SDHC: variants seen among roughly 807,000 people sequenced by gnomAD.
The protein encoded by SDHC is succinate dehydrogenase cytochrome b560 subunit, mitochondrial.
A neutral mutation model predicts 22.6 loss-of-function variants in SDHC; 11 were observed. That is an observed-to-expected ratio of 0.49 (90% CI 0.31 to 0.81). The LOEUF (loss-of-function observed/expected upper bound fraction) is 0.81. Ranked by LOEUF, SDHC falls within the 30% of genes least tolerant of loss-of-function variation. SDHC has a pLI of 0.05. For synonymous variants in SDHC, 80 were observed against 77.8 expected (o/e 1.03, Z -0.15); for missense variants, 160 against 212.0 (o/e 0.75, Z 1.52).
At chr1:161,334,680 C>A (rs1671404790) in intron 3 of SDHC, among the ~76,000 whole-genome samples, 1 of 152,146 alleles carries the variant, frequency 6.6e-6, no homozygotes, top group Admixed American at 6.6e-5. Flanking sequence ...CTCAAGCTGT[C>A]CTCCCACTTC....
intron 4 of SDHC, among the ~76,000 whole-genome samples, chr1:161,354,801 C>T (rs908617817): frequency 6.6e-6 from 1 of 151,584 alleles, no homozygotes; most frequent in Non-Finnish European, 1.5e-5. Flanking sequence ...CCTCCACCTC[C>T]CAGGTTCAAG....
chr1:161,337,794 A>G (rs1671552224), intron 3 of SDHC, among the ~76,000 whole-genome samples: 2 of 152,266 alleles, frequency 1.3e-5, no homozygotes, highest in Admixed American at 6.5e-5. Flanking sequence ...TCTTTCAGTC[A>G]TGGGATTTGA....
At chr1:161,325,773 A>G (rs539227862) in intron 2 of SDHC, among the ~76,000 whole-genome samples, 1 of 152,224 alleles carries the variant, frequency 6.6e-6, no homozygotes, top group Non-Finnish European at 1.5e-5. Context: ...AGCAGATGGT[A>G]ATGTATGAGA....
At chr1:161,318,799 C>A (rs1043192963) in intron 1 of SDHC, among the ~76,000 whole-genome samples, 1 of 150,344 alleles carries the variant, frequency 6.7e-6, no homozygotes, top group East Asian at 1.9e-4. Context: ...TTTGGGAGGC[C>A]GAGGCGGGAG....
Position 161,321,222 on chromosome 1 carries a change from T to G in SDHC, c.21-2392T>G, listed in dbSNP as rs556805241. ...AAAATGATTTCAGCAATGATTACAT[T>G]TTGGGGAGACATGTTAATGCATTTA... is the stretch of plus-strand genomic sequence containing the variant. On this transcript the variant is annotated intron_variant, in intron 1 of 5. Transcript: ENST00000367975. 2.3e-4 allele frequency among the ~76,000 whole-genome samples: 35 copies of G among 152,278 alleles called. 1 individual carries two copies. The South Asian group carries it at 6.4e-3, about 28-fold the overall frequency.
At chr1:161,332,489 A>G (rs994699650) in intron 3 of SDHC, among the ~76,000 whole-genome samples, 2 of 152,200 alleles carry the variant, frequency 1.3e-5, no homozygotes, top group African/African-American at 2.4e-5. Flanking sequence ...AGCCTTTACT[A>G]GCTGAATTAA....
intron 3 of SDHC, among the ~76,000 whole-genome samples, chr1:161,334,345 CTCT>C (rs1339797519): frequency 1.3e-5 from 2 of 152,086 alleles, no homozygotes; most frequent in East Asian, 3.8e-4. Flanking sequence ...TCTCATTTCT[CTCT>C]TCTGCTGTTA....
intron 3 of SDHC, chr1:161,339,574 T>TGCA (rs1292141686): frequency 1.6e-6 from 2 of 1,268,820 alleles, no homozygotes; most frequent in Middle Eastern, 2.1e-4. Flanking sequence ...CTATCAGTGA[T>TGCA]GCAGTCTGGT....
chr1:161,315,271 G>C (rs903228414), intron 1 of SDHC, among the ~76,000 whole-genome samples: 1 of 152,182 alleles, frequency 6.6e-6, no homozygotes, highest in Non-Finnish European at 1.5e-5. Context: ...TTCAATCCCT[G>C]ATTTCCCCAA....
intron 1 of SDHC, among the ~76,000 whole-genome samples, chr1:161,319,222 AAAATAAAT>A (rs35327704): frequency 1.1e-4 from 17 of 150,874 alleles, no homozygotes; most frequent in East Asian, 3.9e-4. Flanking sequence ...ACTCTGTCTT[AAAATAAAT>A]AAATAAATAA....
intron 1 of SDHC, among the ~76,000 whole-genome samples, chr1:161,317,626 A>G (rs1670673000): frequency 7.1e-6 from 1 of 140,282 alleles, no homozygotes; most frequent in African/African-American, 2.7e-5. Context: ...CAGTGGCGCA[A>G]TCTCAGCTCA....
intron 2 of SDHC, among the ~76,000 whole-genome samples, chr1:161,325,601 A>T (rs1371087414): frequency 6.6e-6 from 1 of 152,064 alleles, no homozygotes; most frequent in East Asian, 1.9e-4. Context: ...GATCACCTGG[A>T]TGGGGCAATG....
intron 3 of SDHC, among the ~76,000 whole-genome samples, chr1:161,334,569 C>T (rs1299648611): frequency 6.6e-6 from 1 of 152,028 alleles, no homozygotes; most frequent in Non-Finnish European, 1.5e-5. Context: ...CTCCCAAGTA[C>T]CTGGGACTAT....
chr1:161,318,975 C>T (rs1456995143), intron 1 of SDHC, among the ~76,000 whole-genome samples: 5 of 152,072 alleles, frequency 3.3e-5, no homozygotes, highest in Non-Finnish European at 5.9e-5. Context: ...ACCTGGGAGG[C>T]GGAGGTTGCA....
At chr1:161,344,650 A>G (rs1214361273) in intron 4 of SDHC, among the ~76,000 whole-genome samples, 1 of 152,134 alleles carries the variant, frequency 6.6e-6, no homozygotes, top group Non-Finnish European at 1.5e-5. Flanking sequence ...TCCCTCCATC[A>G]AAATCGTAAA....
rs372336860 is a variant in SDHC, at chr1:161,322,372, TG to T, written c.21-1238del. Reference sequence around the variant, plus strand: ...GCAATTTTTAAGTAGAAAACTTTCATGGGGTCAGTAAAAATTTTTTTTATTC... The same window carrying T: ...GCAATTTTTAAGTAGAAAACTTTCATGGGTCAGTAAAAATTTTTTTTATTC... On this transcript the variant is annotated intron_variant, in intron 1 of 5. Transcript: ENST00000367975. Among the ~76,000 whole-genome samples, 134 of 152,326 alleles carry T rather than the reference TG, an allele frequency of 8.8e-4. 5 individuals carry two copies. The South Asian group carries it at 0.027, about 31-fold the overall frequency.
chr1:161,361,566 G>T (rs142449481), intron 5 of SDHC, among the ~76,000 whole-genome samples: 2 of 152,152 alleles, frequency 1.3e-5, no homozygotes, highest in Non-Finnish European at 2.9e-5. Context: ...GAGGCTGGGC[G>T]CAGTGGCTCA....
intron 4 of SDHC, 47 bp downstream of exon 4, chr1:161,340,702 C>T: frequency 6.5e-7 from 1 of 1,539,626 alleles, no homozygotes; most frequent in South Asian, 1.1e-5. Context: ...CTTTGAAAAA[C>T]TTGGCTGTTT....
At chr1:161,345,545 C>T (rs189631210) in intron 4 of SDHC, among the ~76,000 whole-genome samples, 1 of 152,202 alleles carries the variant, frequency 6.6e-6, no homozygotes, top group Non-Finnish European at 1.5e-5. Flanking sequence ...CAACCTCCAC[C>T]TCCCGGGTTC....
Sources: allele counts gnomAD v4.1 joint callset (sites outside exome capture counted in the v4.1 genomes callset), GRCh38; gene constraint gnomAD v4.1.1; transcripts MANE v1.5; gene names NCBI Gene and HGNC (gene_info 2026-07-23, HGNC 2026-07-21).